ADAMTS16: variants seen among roughly 807,000 people sequenced by gnomAD.
ADAMTS16 encodes the protein A disintegrin and metalloproteinase with thrombospondin motifs 16.
Under a neutral mutation model 145.8 loss-of-function variants are expected in ADAMTS16, and 94 were observed. The ratio of observed to expected loss-of-function variants is 0.64; its 90% confidence interval spans 0.55 to 0.77. The LOEUF is 0.77. Among genes scored for constraint, ADAMTS16 ranks in the 30% least tolerant of loss-of-function variants. The pLI is 0.00. For synonymous variants in ADAMTS16, 659 were observed against 604.3 expected (o/e 1.09, Z -1.33); for missense variants, 1,585 against 1,591.5 (o/e 1.00, Z 0.07).
chr5:5,165,218 C>G (rs574985706), intron 3 of ADAMTS16, among the ~76,000 whole-genome samples: 3 of 152,128 alleles, frequency 2.0e-5, no homozygotes, highest in Non-Finnish European at 4.4e-5. Flanking sequence ...GTCCTCTGCT[C>G]CGGCTTCTTT....
intron 10 of ADAMTS16, among the ~76,000 whole-genome samples, chr5:5,214,747 A>G (rs1022639692): frequency 9.2e-5 from 14 of 152,222 alleles, no homozygotes; most frequent in African/African-American, 3.4e-4. Flanking sequence ...TGTGGCCAGT[A>G]TCTCTCAGAC....
intron 4 of ADAMTS16, among the ~76,000 whole-genome samples, chr5:5,185,678 A>G (rs2126567288): frequency 6.6e-6 from 1 of 152,294 alleles, no homozygotes; most frequent in South Asian, 2.1e-4. Flanking sequence ...TGTTCTTGTA[A>G]TTGTTTGTTC....
chr5:5,192,896 C>A (rs1482213938), intron 8 of ADAMTS16, among the ~76,000 whole-genome samples: 2 of 152,214 alleles, frequency 1.3e-5, no homozygotes, highest in African/African-American at 4.8e-5. Flanking sequence ...CCTGCAATCA[C>A]CCTGAGTAAT....
chr5:5,180,403 A>G (rs1319781060), intron 3 of ADAMTS16, among the ~76,000 whole-genome samples: 2 of 152,228 alleles, frequency 1.3e-5, no homozygotes, highest in Non-Finnish European at 2.9e-5. Context: ...TTCATCTGTA[A>G]TCCAATGATC....
In ADAMTS16 at chr5:5,306,661, C is replaced by G; in HGVS notation, c.3344C>G (p.Pro1115Arg). The G allele has an allele frequency of 1.9e-6, 3 of 1,614,070 alleles. No individual in the cohort carries two copies. The South Asian group carries it at 3.3e-5, about 18-fold the overall frequency. The change falls in exon 21 of 23, where the codon CCC (proline) becomes CGC (arginine). Residue 1115 changes from proline to arginine, a missense_variant. By Grantham distance (103) the Pro-to-Arg change is moderately radical (BLOSUM62 -2). This residue lies in a region of ADAMTS16 where 834 missense variants were observed against 811.7 expected (regional missense o/e 1.03). Coordinates refer to ENST00000274181, the MANE Select transcript of ADAMTS16 (RefSeq NM_139056.4). Reference sequence around the variant, plus strand: ...CGTGCCTGCGCCCCGCTTCCATGCCCCAGGCACCCCCCATTTGCTGCTGCG... The same window carrying G: ...CGTGCCTGCGCCCCGCTTCCATGCCGCAGGCACCCCCCATTTGCTGCTGCG... ...LERACAPLPC[P>R]RHPPFAAAGP...
At chr5:5,265,397 G>A (rs1034701690) in intron 18 of ADAMTS16, among the ~76,000 whole-genome samples, 25 of 152,304 alleles carry the variant, frequency 1.6e-4, no homozygotes, top group Admixed American at 6.5e-4. Flanking sequence ...TGCAAAAAGC[G>A]TGAAGAAGGG....
At chr5:5,312,911 C>T (rs1218174172) in intron 21 of ADAMTS16, among the ~76,000 whole-genome samples, 7 of 152,160 alleles carry the variant, frequency 4.6e-5, no homozygotes, top group Non-Finnish European at 7.3e-5. Context: ...AAACTGAGGA[C>T]GCTGAAACTG....
At chr5:5,231,795 G>A (rs1315228108) in intron 11 of ADAMTS16, among the ~76,000 whole-genome samples, 2 of 152,204 alleles carry the variant, frequency 1.3e-5, no homozygotes, top group African/African-American at 4.8e-5. Flanking sequence ...CGTGGGGACA[G>A]ATGAAATTCC....
chr5:5,236,352 A>T (rs146971053), intron 13 of ADAMTS16, among the ~76,000 whole-genome samples: 201 of 152,276 alleles, frequency 1.3e-3, no homozygotes, highest in African/African-American at 4.5e-3. Context: ...TTTGAAAAAA[A>T]GTTCATATTA....
chr5:5,242,292 C>T (rs993116742), intron 17 of ADAMTS16, 101 bp downstream of exon 17: 45 of 1,446,166 alleles, frequency 3.1e-5, no homozygotes, highest in Non-Finnish European at 4.1e-5. Context: ...CAGCCCGGGG[C>T]TTCTCCCTGC....
At chr5:5,316,666 A>G (rs905021323) in intron 21 of ADAMTS16, among the ~76,000 whole-genome samples, 3 of 152,116 alleles carry the variant, frequency 2.0e-5, no homozygotes, top group African/African-American at 4.8e-5. Context: ...TGATACTCCA[A>G]GTATTGGGGG....
Position 5,306,697 on chromosome 5 carries a change from G to A in ADAMTS16, c.3380G>A (p.Arg1127Lys), listed in dbSNP as rs762233871. ...HPPFAAAGPSRGSWFASPWSQ... is the reference protein window; with the variant it reads ...HPPFAAAGPSKGSWFASPWSQ... ...CCATTTGCTGCTGCGGGACCCTCGAGGGGCAGCTGGTTTGCCTCACCCTGG... is the reference window on the plus strand; with the variant it reads ...CCATTTGCTGCTGCGGGACCCTCGAAGGGCAGCTGGTTTGCCTCACCCTGG... The change falls in exon 21 of 23, where the codon AGG becomes AAG. Residue 1127 changes from arginine (R) to lysine (K), a missense_variant. Arg to Lys is a conservative substitution (Grantham distance 26). Transcript: ENST00000274181. The A allele has an allele frequency of 3.7e-6, 6 of 1,612,792 alleles. No individual in the cohort carries two copies. The highest frequency in any genetic ancestry group is 4.2e-6 in the Non-Finnish European group (5 of 1,179,586).
At chr5:5,223,308 AAAG>A (rs1203463585) in intron 11 of ADAMTS16, 119 of 163,756 alleles carry the variant, frequency 7.3e-4, no homozygotes, top group Middle Eastern at 3.0e-3. Context: ...ATGGTAGAGA[AAAG>A]AAGAAGTATA....
intron 17 of ADAMTS16, among the ~76,000 whole-genome samples, chr5:5,253,655 C>G (rs556548785): frequency 1.3e-5 from 2 of 152,268 alleles, no homozygotes; most frequent in African/African-American, 4.8e-5. Context: ...CGTTCCCACC[C>G]AGGGACCACC....
intron 11 of ADAMTS16, among the ~76,000 whole-genome samples, chr5:5,229,602 C>A (rs1026330391): frequency 6.6e-6 from 1 of 152,128 alleles, no homozygotes; most frequent in Non-Finnish European, 1.5e-5. Flanking sequence ...CCTCGGATAC[C>A]TTGCTGAGTC....
In ADAMTS16 at chr5:5,161,884, T is replaced by G. The variant is rs917320980; in HGVS notation, c.501+15429T>G. On this transcript the variant is annotated intron_variant, in intron 3 of 22. Transcript: ENST00000274181. ...AATGGCTGGGGCAGGGGACAGGGAC[T>G]GTGAAAGTTTTATGCAAAGGGCATT... 2.6e-5 allele frequency among the ~76,000 whole-genome samples: 4 copies of G among 152,210 alleles called. No individual in the cohort carries two copies. The South Asian group carries it at 6.2e-4, about 24-fold the overall frequency.
intron 17 of ADAMTS16, among the ~76,000 whole-genome samples, chr5:5,255,426 C>T (rs1343946642): frequency 6.6e-6 from 1 of 152,198 alleles, no homozygotes; most frequent in Admixed American, 6.5e-5. Flanking sequence ...CTCAGAGTTA[C>T]TCCGGATTTT....
intron 3 of ADAMTS16, among the ~76,000 whole-genome samples, chr5:5,169,378 A>G (rs1458380469): frequency 1.3e-5 from 2 of 152,214 alleles, no homozygotes; most frequent in African/African-American, 4.8e-5. Flanking sequence ...GGGACCTAGG[A>G]GGACCCCCAC....
At chr5:5,246,766 C>G in intron 17 of ADAMTS16, among the ~76,000 whole-genome samples, 1 of 152,098 alleles carries the variant, frequency 6.6e-6, no homozygotes, top group East Asian at 1.9e-4. Flanking sequence ...TACTTCGATC[C>G]AGTGATTTTT....
Sources: gnomAD v4.1 joint callset for allele counts (sites outside exome capture counted in the v4.1 genomes callset) on GRCh38, gnomAD v4.1.1 for gene constraint, gnomAD v4.1.1 regional missense constraint, MANE v1.5 for transcripts, NCBI Gene and HGNC (gene_info 2026-07-23, HGNC 2026-07-21) for gene names.